The following ZNF532 variants were observed in gnomAD, a reference collection of about 807,000 sequenced individuals.
ZNF532 encodes the protein zinc finger protein 532.
Under a neutral mutation model 89.3 loss-of-function variants are expected in ZNF532, and 22 were observed. That is an observed-to-expected ratio of 0.25 (90% CI 0.18 to 0.35). The LOEUF is 0.35. ZNF532 is among the 10% of genes least tolerant of loss of function. The pLI, the probability that ZNF532 is intolerant of heterozygous loss-of-function variation, is 1.00. For synonymous variants in ZNF532, 606 were observed against 649.6 expected (o/e 0.93, Z 1.02); for missense variants, 1,132 against 1,643.4 (o/e 0.69, Z 5.38).
intron 8 of ZNF532, 159 bp downstream of exon 8, chr18:58,979,326 G>T: frequency 4.4e-6 from 2 of 457,948 alleles, no homozygotes; most frequent in East Asian, 3.2e-5. Context: ...GGATTGGGTT[G>T]TCACACTTAA....
At chr18:58,943,158 C>CTTT (rs11289347) in intron 5 of ZNF532, among the ~76,000 whole-genome samples, 3 of 123,120 alleles carry the variant, frequency 2.4e-5, no homozygotes, top group Non-Finnish European at 3.3e-5. Context: ...ATTACTATAT[C>CTTT]TTTTTTTTTT....
intron 5 of ZNF532, among the ~76,000 whole-genome samples, chr18:58,941,456 T>C (rs899000740): frequency 6.8e-6 from 1 of 148,008 alleles, no homozygotes; most frequent in African/African-American, 2.5e-5. Context: ...GTGGTTTCTT[T>C]TCTCTCTCTC....
At chr18:58,971,607 G>C (rs892124304) in intron 7 of ZNF532, among the ~76,000 whole-genome samples, 1 of 152,144 alleles carries the variant, frequency 6.6e-6, no homozygotes, top group Non-Finnish European at 1.5e-5. Flanking sequence ...AGAAAAAGTT[G>C]GTCGACTGTT....
intron 2 of ZNF532, among the ~76,000 whole-genome samples, chr18:58,886,101 T>G (rs1421632945): frequency 6.6e-6 from 1 of 152,000 alleles, no homozygotes; most frequent in Non-Finnish European, 1.5e-5. Flanking sequence ...CTCAGCCTCC[T>G]GAGTAGCTGG....
chr18:58,937,080 AT>A (rs943667404), intron 4 of ZNF532, among the ~76,000 whole-genome samples: 1 of 151,938 alleles, frequency 6.6e-6, no homozygotes, highest in African/African-American at 2.4e-5. Context: ...TTTTTTCTGA[AT>A]TTTCCTGCCT....
At chr18:58,921,960 A>G (rs1459914605) in intron 3 of ZNF532, among the ~76,000 whole-genome samples, 1 of 152,070 alleles carries the variant, frequency 6.6e-6, no homozygotes, top group Non-Finnish European at 1.5e-5. Context: ...ACCAAACATT[A>G]GCCGGGCTTG....
chr18:58,871,871 G>A (rs540280728), intron 2 of ZNF532, among the ~76,000 whole-genome samples: 2 of 152,338 alleles, frequency 1.3e-5, no homozygotes, highest in South Asian at 2.1e-4. Context: ...CAGATTGGAG[G>A]GGAGAAGGGC....
chr18:58,926,813 C>CTT (rs142480839), intron 3 of ZNF532, among the ~76,000 whole-genome samples: 1 of 151,712 alleles, frequency 6.6e-6, no homozygotes, highest in African/African-American at 2.4e-5. Context: ...GGTTTCAGGG[C>CTT]TTTTTTTTGG....
intron 2 of ZNF532, among the ~76,000 whole-genome samples, chr18:58,899,663 T>C (rs1001065824): frequency 2.0e-5 from 3 of 152,098 alleles, no homozygotes; most frequent in African/African-American, 7.2e-5. Context: ...GAGACAGGGT[T>C]CCACCATGTT....
Position 58,918,191 on chromosome 18 carries a change from A to G in ZNF532, c.-17-80A>G, listed in dbSNP as rs936155128. 3.9e-6 allele frequency: 5 copies of G among 1,266,778 alleles called. No individual in the cohort carries two copies. In the African/African-American group the frequency reaches 4.5e-5, roughly 11 times the overall value. 78.5% of individuals were successfully genotyped at this position (1,266,778 alleles called of 1,614,324 possible). A position where few individuals can be genotyped will look rare whatever the true frequency, so the allele number is the denominator to read the frequency against. On this transcript the variant is annotated intron_variant, in intron 2 of 9. Transcript: ENST00000591808. ...GCTCTTTCTTAGTAATCGTTATGTT[A>G]GTGTGAATTGTATAGGGGTTTTATC... is the stretch of plus-strand genomic sequence containing the variant.
intron 4 of ZNF532, among the ~76,000 whole-genome samples, chr18:58,935,940 C>G: frequency 6.6e-6 from 1 of 152,044 alleles, no homozygotes; most frequent in Admixed American, 6.5e-5. Context: ...CTGGTATCAT[C>G]AGTTCCTAGG....
chr18:58,930,581 T>C (rs1452767706), intron 3 of ZNF532, among the ~76,000 whole-genome samples: 1 of 148,478 alleles, frequency 6.7e-6, no homozygotes, highest in African/African-American at 2.5e-5. Flanking sequence ...TGAGCTGAGA[T>C]TATGCTGTTA....
At chr18:58,974,145 T>G (rs186652441) in intron 7 of ZNF532, among the ~76,000 whole-genome samples, 2 of 152,184 alleles carry the variant, frequency 1.3e-5, no homozygotes, top group African/African-American at 4.8e-5. Flanking sequence ...GGTAAAATTT[T>G]TTTTGGATAT....
At chr18:58,867,898 C>T (rs1254485422) in intron 2 of ZNF532, among the ~76,000 whole-genome samples, 6 of 152,186 alleles carry the variant, frequency 3.9e-5, no homozygotes, top group East Asian at 1.9e-4. Flanking sequence ...TTTCTCTCAG[C>T]GATTCCCTGC....
intron 9 of ZNF532, among the ~76,000 whole-genome samples, chr18:58,983,213 A>AGG (rs1326953051): frequency 6.6e-6 from 1 of 151,986 alleles, no homozygotes; most frequent in Non-Finnish European, 1.5e-5. Context: ...TGCGGAGAGG[A>AGG]GGGGCACGTT....
intron 3 of ZNF532, among the ~76,000 whole-genome samples, chr18:58,930,242 T>C (rs936944677): frequency 6.6e-6 from 1 of 152,160 alleles, no homozygotes; most frequent in Non-Finnish European, 1.5e-5. Context: ...TCTGATTCCT[T>C]AACTGGCCAG....
chr18:58,933,780 T>C (rs1398683454), intron 3 of ZNF532, among the ~76,000 whole-genome samples: 2 of 152,226 alleles, frequency 1.3e-5, no homozygotes, highest in Non-Finnish European at 1.5e-5. Context: ...AATTTTATTT[T>C]ATACATAATC....
At chr18:58,908,302 G>C (rs1446571944) in intron 2 of ZNF532, among the ~76,000 whole-genome samples, 2 of 152,168 alleles carry the variant, frequency 1.3e-5, no homozygotes, top group African/African-American at 4.8e-5. Flanking sequence ...TGTGTAGCTG[G>C]GATGTTAAAT....
intron 2 of ZNF532, among the ~76,000 whole-genome samples, chr18:58,911,321 A>C (rs1478291891): frequency 6.6e-6 from 1 of 152,238 alleles, no homozygotes; most frequent in Non-Finnish European, 1.5e-5. Flanking sequence ...GCAAGATTTG[A>C]AGGAATGAAG....
Sources: gnomAD v4.1 joint callset for allele counts (sites outside exome capture counted in the v4.1 genomes callset) on GRCh38, gnomAD v4.1.1 for gene constraint, MANE v1.5 for transcripts, NCBI Gene and HGNC (gene_info 2026-07-23, HGNC 2026-07-21) for gene names.